The following CCDC88C variants were observed in gnomAD, a reference collection of about 807,000 sequenced individuals.
The protein encoded by CCDC88C is coiled-coil and HOOK domain protein 88C.
Under a neutral mutation model 198.8 loss-of-function variants are expected in CCDC88C, and 131 were observed. The ratio of observed to expected loss-of-function variants is 0.66; its 90% confidence interval spans 0.57 to 0.76. The LOEUF is 0.76. CCDC88C is among the 30% of genes least tolerant of loss of function. The probability of loss-of-function intolerance (pLI) is 0.00; values close to 1 mark genes in which losing one functional copy is unlikely to be tolerated. For missense variants in CCDC88C, 2,553 were observed against 2,631.6 expected (o/e 0.97, Z 0.65); for synonymous variants, 1,166 against 1,114.7 (o/e 1.05, Z -0.92).
chr14:91,286,637 G>A (rs1186625212), intron 25 of CCDC88C, among the ~76,000 whole-genome samples: 1 of 152,214 alleles, frequency 6.6e-6, no homozygotes, highest in Middle Eastern at 3.2e-3. Context: ...ACCACCTGGT[G>A]GCCACAGTGG....
chr14:91,281,378 T>C, intron 27 of CCDC88C, 79 bp downstream of exon 27: 2 of 1,606,762 alleles, frequency 1.2e-6, no homozygotes, highest in Non-Finnish European at 1.7e-6. Flanking sequence ...CGTACAGGAC[T>C]CAGCTTAAAG....
intron 3 of CCDC88C, among the ~76,000 whole-genome samples, chr14:91,399,702 G>C (rs1886056788): frequency 6.6e-6 from 1 of 152,004 alleles, no homozygotes; most frequent in Non-Finnish European, 1.5e-5. Context: ...TGCCAGGCAT[G>C]ATGGCAGGTG....
intron 3 of CCDC88C, among the ~76,000 whole-genome samples, chr14:91,394,698 G>C (rs908899519): frequency 6.6e-6 from 1 of 152,228 alleles, no homozygotes; most frequent in Non-Finnish European, 1.5e-5. Context: ...TCTATTGCTG[G>C]TGAGGGATAA....
In CCDC88C at chr14:91,293,432, TCCCGTCCTCA is replaced by T. The variant is rs1248896192; in HGVS notation, c.4112+731_4112+740del. The stretch of plus-strand genomic sequence containing the variant: ...CCCCCTCACCTGCCACGGCCCACCT[TCCCGTCCTCA>T]CCTGCCACGGTCCACCTTCCCATCC... On this transcript the variant is annotated intron_variant, in intron 23 of 29. Coordinates refer to ENST00000389857, the MANE Select transcript of CCDC88C (RefSeq NM_001080414.4). Among the ~76,000 whole-genome samples the T allele has an allele frequency of 1.5e-3, 137 of 92,814 alleles. 5 individuals are homozygous for T. The highest frequency in any genetic ancestry group is 0.011 in the Middle Eastern group (1 of 88). 60.9% of individuals were successfully genotyped at this position (92,814 alleles called of 152,430 possible).
At chr14:91,274,522 G>A (rs1280949373) in intron 29 of CCDC88C, among the ~76,000 whole-genome samples, 2 of 152,202 alleles carry the variant, frequency 1.3e-5, no homozygotes, top group South Asian at 2.1e-4. Context: ...ATGAGAGGCC[G>A]GCAGGTGTCA....
chr14:91,380,687 T>C (rs1028170017), intron 3 of CCDC88C, among the ~76,000 whole-genome samples: 11 of 152,182 alleles, frequency 7.2e-5, no homozygotes, highest in Non-Finnish European at 1.6e-4. Context: ...GCTCTGAAGT[T>C]GTTTTTTTTT....
Position 91,352,399 on chromosome 14 carries a change from C to A in CCDC88C, c.340+7243G>T, listed in dbSNP as rs904240363. 6.6e-6 allele frequency among the ~76,000 whole-genome samples: 1 copy of A among 152,212 alleles called. No homozygotes were observed. The highest frequency in any genetic ancestry group is 2.4e-5 in the African/African-American group (1 of 41,446). ...AAAGCCTCGGCTCCTGGCTTAAGTG[C>A]CCCAGCACCGCACGTGGACTGGAGC... On this transcript the variant is annotated intron_variant, in intron 4 of 29. Transcript: ENST00000389857. This position sits in a 1 kb window ranked among gnomAD's most constrained non-coding sequence, Gnocchi z 4.2.
chr14:91,377,242 T>C (rs1015574085), intron 3 of CCDC88C, among the ~76,000 whole-genome samples: 1 of 152,108 alleles, frequency 6.6e-6, no homozygotes, highest in African/African-American at 2.4e-5. Context: ...CGCGAGCCCT[T>C]CCACCCATTC....
chr14:91,285,753 T>C (rs1405140157), intron 25 of CCDC88C: 51 of 1,289,100 alleles, frequency 4.0e-5, no homozygotes, highest in Non-Finnish European at 5.2e-5. Flanking sequence ...CGCAGGCGTT[T>C]AGAGAGAGCT....
intron 19 of CCDC88C, among the ~76,000 whole-genome samples, chr14:91,304,400 T>A (rs956748349): frequency 6.6e-6 from 1 of 152,120 alleles, no homozygotes; most frequent in Non-Finnish European, 1.5e-5. Flanking sequence ...CTGAGCAACA[T>A]AGTGAGACCC....
intron 13 of CCDC88C, among the ~76,000 whole-genome samples, chr14:91,318,917 C>CAAAAAAAAAAAAAAAAAAAAAAAAAAAA: frequency 9.5e-6 from 1 of 105,288 alleles, no homozygotes; most frequent in Non-Finnish European, 1.9e-5. Context: ...AGACTCCGTC[C>CAAAAAAAAAAAAAAAAAAAAAAAAAAAA]AAAAAAAAAA....
In CCDC88C at chr14:91,371,395, A is replaced by AC. The variant is rs142344457; in HGVS notation, c.271-11685dup. 0.044 allele frequency among the ~76,000 whole-genome samples: 6,671 copies of AC among 150,836 alleles called. 503 individuals carry two copies. The highest frequency in any genetic ancestry group is 0.15 in the African/African-American group (6,306 of 41,038). On this transcript the variant is annotated intron_variant, in intron 3 of 29. Transcript: ENST00000389857. The surrounding 1 kb of genome is among the most constrained non-coding windows in gnomAD (Gnocchi z 4.2). Reference sequence around the variant, plus strand: ...TGCAGGGTGGGCTGGGACAGGCATGACCCCCCCAGCCAGAATGAGTGTAGT... The same window carrying AC: ...TGCAGGGTGGGCTGGGACAGGCATGACCCCCCCCAGCCAGAATGAGTGTAGT...
At chr14:91,383,216 G>A (rs1055511359) in intron 3 of CCDC88C, among the ~76,000 whole-genome samples, 3 of 150,602 alleles carry the variant, frequency 2.0e-5, no homozygotes, top group African/African-American at 7.3e-5. Context: ...TCACCCCCTC[G>A]AACCCTGGCT....
intron 5 of CCDC88C, 43 bp from the exon 6 acceptor site, chr14:91,342,506 A>T (rs1567088062): frequency 7.7e-7 from 1 of 1,303,654 alleles, no homozygotes; most frequent in Non-Finnish European, 1.1e-6. Flanking sequence ...TGTTCAAGTG[A>T]GGGTGAAGCT....
intron 4 of CCDC88C, among the ~76,000 whole-genome samples, chr14:91,346,093 C>A (rs918866780): frequency 6.6e-6 from 1 of 152,234 alleles, no homozygotes; most frequent in Non-Finnish European, 1.5e-5. Flanking sequence ...AAAAACCAAA[C>A]CGCCGTCCTG....
chr14:91,415,005 G>C (rs1371332071), intron 2 of CCDC88C, among the ~76,000 whole-genome samples: 1 of 152,202 alleles, frequency 6.6e-6, no homozygotes, highest in African/African-American at 2.4e-5. Flanking sequence ...CCAAAGGTCA[G>C]GGAAGAAAGA....
At chr14:91,336,670 T>C (rs1893059160) in intron 10 of CCDC88C, among the ~76,000 whole-genome samples, 2 of 152,206 alleles carry the variant, frequency 1.3e-5, no homozygotes, top group Non-Finnish European at 1.5e-5. Context: ...CGCCCAGGCA[T>C]GGGCTGGCTT....
intron 3 of CCDC88C, among the ~76,000 whole-genome samples, chr14:91,376,085 C>T (rs1022473872): frequency 1.3e-5 from 2 of 152,066 alleles, no homozygotes; most frequent in African/African-American, 4.8e-5. Context: ...ACCTGAGGAG[C>T]TGGCAGGCGC....
Position 91,300,055 on chromosome 14 carries a change from C to T in CCDC88C, c.3651G>A (p.Leu1217=). The T allele has an allele frequency of 6.2e-7, 1 of 1,608,412 alleles. No individual in the cohort carries two copies. The highest frequency in any genetic ancestry group is 1.1e-5 in the South Asian group (1 of 89,792). Residue 1217 remains leucine (L), a synonymous_variant, in exon 21 of 30, where the codon CTG becomes CTA. Transcript: ENST00000389857. ...GCTCCTCCAGCTCCGCCTTGCGCTT[C>T]AGCATGTCACCGTGCCTGTTGGAGG... The part of the protein sequence containing the change: ...KELGERHGDM[L]KRKAELEERE...
Sources: allele counts gnomAD v4.1 joint callset (sites outside exome capture counted in the v4.1 genomes callset), GRCh38; gene constraint gnomAD v4.1.1; non-coding constraint Gnocchi (gnomAD v3.1); transcripts MANE v1.5; gene names NCBI Gene and HGNC (gene_info 2026-07-23, HGNC 2026-07-21).